TMTC2: variants seen among roughly 807,000 people sequenced by gnomAD.
The protein encoded by TMTC2 is transmembrane O-mannosyltransferase targeting cadherins 2.
A neutral mutation model predicts 82.4 loss-of-function variants in TMTC2; 43 were observed. The ratio of observed to expected loss-of-function variants is 0.52; its 90% CI spans 0.41 to 0.67. The LOEUF is 0.67. Among genes scored for constraint, TMTC2 ranks in the 30% least tolerant of loss-of-function variants. The probability of loss-of-function intolerance (pLI) is 0.00; values close to 1 mark genes in which losing one functional copy is unlikely to be tolerated. For missense variants in TMTC2, 919 were observed against 1,012.4 expected (o/e 0.91, Z 1.25); for synonymous variants, 408 against 381.9 (o/e 1.07, Z -0.80).
intron 1 of TMTC2, among the ~76,000 whole-genome samples, chr12:82,743,274 C>G (rs771735408): frequency 1.7e-4 from 26 of 152,030 alleles, no homozygotes; most frequent in Non-Finnish European, 3.2e-4. Flanking sequence ...AACCCCATCT[C>G]TACTAAAAAT....
At chr12:82,745,791 T>C (rs1875656607) in intron 1 of TMTC2, among the ~76,000 whole-genome samples, 1 of 152,208 alleles carries the variant, frequency 6.6e-6, no homozygotes, top group Admixed American at 6.5e-5. Context: ...AATAAATTAT[T>C]TGAATTGGTA....
At chr12:82,960,971 A>C (rs948974762) in intron 4 of TMTC2, among the ~76,000 whole-genome samples, 1 of 152,002 alleles carries the variant, frequency 6.6e-6, no homozygotes, top group African/African-American at 2.4e-5. Flanking sequence ...TTATTAAATT[A>C]CAGGTCCTCA....
At chr12:82,728,885 C>T (rs1238631754) in intron 1 of TMTC2, among the ~76,000 whole-genome samples, 1 of 152,224 alleles carries the variant, frequency 6.6e-6, no homozygotes, top group Non-Finnish European at 1.5e-5. Context: ...GCCCGCTGCA[C>T]TGGGCAGTGA....
At chr12:82,720,804 C>T (rs1874172823) in intron 1 of TMTC2, among the ~76,000 whole-genome samples, 1 of 152,120 alleles carries the variant, frequency 6.6e-6, no homozygotes, top group East Asian at 1.9e-4. Context: ...TACTTTTGAA[C>T]GTCTTTTCAC....
intron 7 of TMTC2, among the ~76,000 whole-genome samples, chr12:82,972,282 A>C (rs1431139888): frequency 6.6e-6 from 1 of 151,986 alleles, no homozygotes; most frequent in Non-Finnish European, 1.5e-5. Context: ...TCTTATGATA[A>C]TCTCTTGTTT....
chr12:83,095,775 A>G (rs1248915136), intron 11 of TMTC2, among the ~76,000 whole-genome samples: 1 of 152,184 alleles, frequency 6.6e-6, no homozygotes, highest in Non-Finnish European at 1.5e-5. Context: ...TAAGCCATCT[A>G]TTATAAAGTA....
intron 8 of TMTC2, among the ~76,000 whole-genome samples, chr12:83,009,544 T>C (rs924804971): frequency 4.6e-5 from 7 of 152,018 alleles, no homozygotes; most frequent in African/African-American, 9.7e-5. Flanking sequence ...AGTTCTCTGA[T>C]AGATCTCAGA....
At chr12:82,888,214 T>G (rs965946365) in intron 2 of TMTC2, among the ~76,000 whole-genome samples, 3 of 152,246 alleles carry the variant, frequency 2.0e-5, no homozygotes, top group African/African-American at 7.2e-5. Context: ...AATGTATCTG[T>G]AAATTTTTTG....
chr12:83,013,926 T>C (rs577552257), intron 8 of TMTC2, among the ~76,000 whole-genome samples: 1 of 152,204 alleles, frequency 6.6e-6, no homozygotes, highest in Non-Finnish European at 1.5e-5. Flanking sequence ...GTCTCCAGTA[T>C]ATACATGAGT....
At chr12:82,998,955 C>A (rs957186916) in intron 8 of TMTC2, among the ~76,000 whole-genome samples, 5 of 152,066 alleles carry the variant, frequency 3.3e-5, no homozygotes, top group Middle Eastern at 3.2e-3. Context: ...ACAGAGAGTT[C>A]TCATATTCCC....
At chr12:83,111,193 G>A (rs151248104) in intron 11 of TMTC2, among the ~76,000 whole-genome samples, 6 of 152,276 alleles carry the variant, frequency 3.9e-5, no homozygotes, top group African/African-American at 1.2e-4. Context: ...GATGCACTTT[G>A]TGCAACTCAC....
chr12:82,992,427 G>A (rs1438129795), intron 8 of TMTC2, among the ~76,000 whole-genome samples: 1 of 152,118 alleles, frequency 6.6e-6, no homozygotes, highest in Non-Finnish European at 1.5e-5. Context: ...CTGTTAATCT[G>A]ATTGAGTAAT....
chr12:82,977,846 A>G (rs1427756748), intron 7 of TMTC2, among the ~76,000 whole-genome samples: 1 of 151,828 alleles, frequency 6.6e-6, no homozygotes, highest in African/African-American at 2.4e-5. Flanking sequence ...GGGAATTTGA[A>G]TAGACAACAA....
chr12:82,937,701 G>GGGGTGTGTGTGT (rs1876391353), intron 4 of TMTC2, among the ~76,000 whole-genome samples: 1 of 73,246 alleles, frequency 1.4e-5, no homozygotes, highest in Non-Finnish European at 2.8e-5. Context: ...AAATGTCAAT[G>GGGGTGTGTGTGT]GTGTGTGTGT....
chr12:82,819,194 G>T (rs542639671), intron 1 of TMTC2, among the ~76,000 whole-genome samples: 1 of 152,008 alleles, frequency 6.6e-6, no homozygotes. Context: ...TCTTTGAAAG[G>T]AAGGCTACTA....
intron 1 of TMTC2, among the ~76,000 whole-genome samples, chr12:82,851,024 T>A (rs777220027): frequency 1.1e-4 from 17 of 151,920 alleles, no homozygotes; most frequent in Non-Finnish European, 2.5e-4. Flanking sequence ...AAATTGCACC[T>A]CTGCACTCCA....
At chr12:82,971,729 A>G (rs1259024778) in intron 7 of TMTC2, among the ~76,000 whole-genome samples, 1 of 151,874 alleles carries the variant, frequency 6.6e-6, no homozygotes, top group Non-Finnish European at 1.5e-5. Context: ...GGCATAATGT[A>G]TTATACGGAG....
intron 10 of TMTC2, among the ~76,000 whole-genome samples, chr12:83,061,049 T>TGA (rs563043646): frequency 1.3e-4 from 19 of 151,770 alleles, no homozygotes; most frequent in Middle Eastern, 6.8e-3. Flanking sequence ...GGCCCAGAAG[T>TGA]GAGATATACA....
At chr12:83,011,631 C>G (rs539152968) in intron 8 of TMTC2, among the ~76,000 whole-genome samples, 1 of 152,300 alleles carries the variant, frequency 6.6e-6, no homozygotes, top group Middle Eastern at 3.4e-3. Context: ...GTTCCATTCA[C>G]TCATTCTTTG....
Sources: allele counts gnomAD v4.1 joint callset (sites outside exome capture counted in the v4.1 genomes callset), GRCh38; gene constraint gnomAD v4.1.1; transcripts MANE v1.5; gene names NCBI Gene and HGNC (gene_info 2026-07-23, HGNC 2026-07-21).